CDHR1: variants seen among roughly 807,000 people sequenced by gnomAD.
The protein encoded by CDHR1 is cadherin related family member 1, also known as cadherin-related family member 1.
Under a neutral mutation model 72.1 loss-of-function variants are expected in CDHR1, and 61 were observed. The ratio of observed to expected loss-of-function variants is 0.85; its 90% CI spans 0.69 to 1.05. CDHR1 has a LOEUF of 1.05. Among genes scored for constraint, CDHR1 ranks in the 50% least tolerant of loss-of-function variants. CDHR1 has a pLI of 0.00. For synonymous variants in CDHR1, 470 were observed against 448.1 expected (o/e 1.05, Z -0.62); for missense variants, 1,186 against 1,115.7 (o/e 1.06, Z -0.90).
In CDHR1 at chr10:84,194,750, C is replaced by G; in HGVS notation, c.-11C>G. 1 of 1,499,520 alleles carries G rather than the reference C, an allele frequency of 6.7e-7. No individual in the cohort carries two copies. Among genetic ancestry groups the G allele is most frequent in the Non-Finnish European group, 8.8e-7 (1 of 1,133,002 alleles). The allele number at this position is 1,499,520 out of a possible 1,614,324, so 92.9% of individuals were successfully genotyped here. On this transcript the variant is annotated 5_prime_UTR_variant, in exon 1 of 17. Transcript: ENST00000623527. ...CGGCGGCGGCAGGCGACACTCCGCGCCGGCGGAGACATGAGGCGCTGCCGG... is the reference window on the plus strand; with the variant it reads ...CGGCGGCGGCAGGCGACACTCCGCGGCGGCGGAGACATGAGGCGCTGCCGG...
chr10:84,205,457 C>A (rs150520309), intron 9 of CDHR1, among the ~76,000 whole-genome samples: 96 of 151,916 alleles, frequency 6.3e-4, no homozygotes, highest in African/African-American at 2.2e-3. Context: ...TTCTTTCCCC[C>A]CTCCCCTTCC....
chr10:84,212,886 A>C, intron 15 of CDHR1: 1 of 639,336 alleles, frequency 1.6e-6, no homozygotes, highest in Non-Finnish European at 2.8e-6. Flanking sequence ...TGATAATGGA[A>C]TCGGCTAGCC....
chr10:84,219,567 T>G, downstream of CDHR1: 2 of 324,346 alleles, frequency 6.2e-6, no homozygotes, highest in Non-Finnish European at 1.1e-5. Flanking sequence ...ACTGTATTAG[T>G]TCGTTCTCAT....
chr10:84,218,485 T>C lies in CDHR1; in HGVS notation c.*3864T>C. 1 of 985,430 alleles carries C rather than the reference T, an allele frequency of 1.0e-6. No homozygotes were observed. The highest frequency in any genetic ancestry group is 1.2e-6 in the Non-Finnish European group (1 of 829,934). 61.0% of individuals were successfully genotyped at this position (985,430 alleles called of 1,614,324 possible). On this transcript the variant is annotated 3_prime_UTR_variant, in exon 17 of 17. Coordinates refer to ENST00000623527, the MANE Select transcript of CDHR1 (RefSeq NM_033100.4). ...CTGTGCCAGGCTCTCTTCTAGGTGTTAGGTGTATGTCTCTAACAAGATAGA... is the reference window on the plus strand; with the variant it reads ...CTGTGCCAGGCTCTCTTCTAGGTGTCAGGTGTATGTCTCTAACAAGATAGA...
At position 84,217,926 on chromosome 10, in the gene CDHR1, G is replaced by A; in HGVS notation, c.*3305G>A. On this transcript the variant is annotated 3_prime_UTR_variant, in exon 17 of 17. Transcript: ENST00000623527. ...TGTGGCACTCTGTCCTCAAGCAGCT[G>A]TCCCTCAGAATCCTGCTAGAAAAGT... 1.0e-6 allele frequency: 1 copy of A among 985,472 alleles called. No homozygotes were observed. The highest frequency in any genetic ancestry group is 1.2e-6 in the Non-Finnish European group (1 of 829,952). The allele number at this position is 985,472 out of a possible 1,614,324, so 61.0% of individuals were successfully genotyped here.
rs774936408 is a variant in CDHR1 at position 84,203,033 on chromosome 10, G to A, written c.693G>A (p.Thr231=). The A allele has an allele frequency of 2.5e-5, 40 of 1,614,088 alleles. No homozygotes were observed. Among genetic ancestry groups the A allele is most frequent in the Non-Finnish European group, 3.1e-5 (36 of 1,180,024 alleles). The change falls in exon 8 of 17, where the codon ACG becomes ACA. Residue 231 remains threonine (T), a synonymous_variant. Transcript: ENST00000623527. ...ATGTGGTGTTCTCAGCCACCACCAC[G>A]GTCACGGTCAATGTGGAGGATGTTC... ...GADVVFSATT[T]VTVNVEDVQD...
In CDHR1 at chr10:84,194,619, C is replaced by G. The variant is rs1439023404; in HGVS notation, c.-142C>G. On this transcript the variant is annotated 5_prime_UTR_variant, in exon 1 of 17. Coordinates refer to ENST00000623527, the MANE Select transcript of CDHR1 (RefSeq NM_033100.4). ...AGCGCCCTCACGCCACCCGCCGCTC[C>G]CGCCCCGTGCCCCCTCCCGCCGCGG... 5.3e-6 allele frequency: 3 copies of G among 563,506 alleles called. No individual in the cohort carries two copies. Among genetic ancestry groups the G allele is most frequent in the Admixed American group, 4.4e-5 (1 of 22,842 alleles). 34.9% of individuals were successfully genotyped at this position (563,506 alleles called of 1,614,324 possible).
Position 84,212,340 on chromosome 10 carries a change from A to AC in CDHR1, c.1721dup (p.Gln575SerfsTer20). 2.5e-6 allele frequency: 4 copies of AC among 1,613,828 alleles called. No homozygotes were observed. The highest frequency in any genetic ancestry group is 1.3e-5 in the African/African-American group (1 of 74,906). ...ATCACACTGCTGGATGTCAATGACC[A>AC]CCCCCCTCAGTTTGGAAAGAGCGTT... On this transcript the variant is annotated frameshift_variant, in exon 15 of 17. Coordinates refer to ENST00000623527, the MANE Select transcript of CDHR1 (RefSeq NM_033100.4). LOFTEE classifies it high-confidence loss of function.
Position 84,211,603 on chromosome 10 carries a change from C to A in CDHR1, c.1486-45C>A, listed in dbSNP as rs528682023. On this transcript the variant is annotated intron_variant, in intron 13 of 16. Transcript: ENST00000623527. ...TCAGGGCATGGGAGCTGCCAACATA[C>A]CCTGACAAAGAGGCACGTGCCACCC... The A allele has an allele frequency of 3.9e-6, 6 of 1,556,666 alleles. No homozygotes were observed. In the African/African-American group the frequency reaches 6.8e-5, roughly 18 times the overall value.
In CDHR1 at chr10:84,196,490, T is replaced by A. The variant is rs751408822; in HGVS notation, c.152-15T>A. 1 of 1,614,146 alleles carries A rather than the reference T, an allele frequency of 6.2e-7. No individual in the cohort carries two copies. The highest frequency in any genetic ancestry group is 8.5e-7 in the Non-Finnish European group (1 of 1,179,990). On this transcript the variant is annotated splice_polypyrimidine_tract_variant and intron_variant, in intron 2 of 16. Coordinates refer to ENST00000623527, the MANE Select transcript of CDHR1 (RefSeq NM_033100.4). Reference sequence around the variant, plus strand: ...GGTCTCAGATTCTATGTCTCTCCACTGTGTTTCCTTCCAGGCTCTCACGTA... The same window carrying A: ...GGTCTCAGATTCTATGTCTCTCCACAGTGTTTCCTTCCAGGCTCTCACGTA...
At chr10:84,206,057 A>C (rs1471430427) in intron 10 of CDHR1, 130 bp downstream of exon 10, 3 of 726,882 alleles carry the variant, frequency 4.1e-6, no homozygotes, top group Non-Finnish European at 2.4e-6. Context: ...TCTAAAGAGC[A>C]CCTGCACCAG....
At chr10:84,204,651 G>A in intron 9 of CDHR1, 46 bp downstream of exon 9, 2 of 1,338,634 alleles carry the variant, frequency 1.5e-6, no homozygotes, top group Non-Finnish European at 2.2e-6. Context: ...CTCTCTAGGT[G>A]ACCAGAGCAA....
Position 84,208,772 on chromosome 10 carries a change from G to A in CDHR1, c.1211G>A (p.Gly404Asp), listed in dbSNP as rs752039450. Residue 404 changes from glycine to aspartate, a missense_variant, in exon 12 of 17, where the codon GGC becomes GAC. Coordinates refer to ENST00000623527, the MANE Select transcript of CDHR1 (RefSeq NM_033100.4). ...AACTTGCAGCTGGTGGGACCCAGGG[G>A]CATCTTCCGAGTGGTTCCACAGACA... ...KFNLQLVGPR[G>D]IFRVVPQTVL... The A allele has an allele frequency of 1.4e-5, 23 of 1,614,178 alleles. No individual in the cohort carries two copies. In the Admixed American group the frequency reaches 3.7e-4, roughly 26 times the overall value.
At chr10:84,200,732 G>A in intron 6 of CDHR1, 45 bp downstream of exon 6, 1 of 1,437,528 alleles carries the variant, frequency 7.0e-7, no homozygotes, top group Non-Finnish European at 9.7e-7. Context: ...GGGCCGGAGG[G>A]GACACCTAGA....
chr10:84,201,295 C>T (rs775794063), intron 6 of CDHR1, among the ~76,000 whole-genome samples: 9 of 152,146 alleles, frequency 5.9e-5, no homozygotes, highest in Non-Finnish European at 1.2e-4. Context: ...CCAGAAGGGC[C>T]CCCAGGGACC....
chr10:84,198,988 A>G (rs1250237618), intron 4 of CDHR1, 44 bp from the exon 5 acceptor site: 2 of 1,432,044 alleles, frequency 1.4e-6, no homozygotes, highest in Admixed American at 2.0e-5. Flanking sequence ...CATCCTTCAG[A>G]AGGTCTCATT....
Position 84,217,930 on chromosome 10 carries a change from C to T in CDHR1, c.*3309C>T. ...GCACTCTGTCCTCAAGCAGCTGTCC[C>T]TCAGAATCCTGCTAGAAAAGTGTGA... On this transcript the variant is annotated 3_prime_UTR_variant, in exon 17 of 17. Coordinates refer to ENST00000623527, the MANE Select transcript of CDHR1 (RefSeq NM_033100.4). The T allele has an allele frequency of 1.0e-6, 1 of 985,436 alleles. No homozygotes were observed. The highest frequency in any genetic ancestry group is 1.2e-6 in the Non-Finnish European group (1 of 829,946). 61.0% of individuals were successfully genotyped at this position (985,436 alleles called of 1,614,324 possible). A position where few individuals can be genotyped will look rare whatever the true frequency, so the allele number is the denominator to read the frequency against.
chr10:84,214,423 C>T lies in CDHR1; in HGVS notation c.2382C>T (p.Leu794=). 3 of 1,613,502 alleles carry T rather than the reference C, an allele frequency of 1.9e-6. No individual in the cohort carries two copies. The highest frequency in any genetic ancestry group is 1.3e-5 in the African/African-American group (1 of 75,054). Residue 794 remains leucine (L), a synonymous_variant, in exon 17 of 17, where the codon CTC becomes CTT. Coordinates refer to ENST00000623527, the MANE Select transcript of CDHR1 (RefSeq NM_033100.4). Reference sequence around the variant, plus strand: ...CTCTGCTCCCGAGAGCTCCGGCTCTCCCTCCACCACCCAGCGTGGCGCCCA... The same window carrying T: ...CTCTGCTCCCGAGAGCTCCGGCTCTTCCTCCACCACCCAGCGTGGCGCCCA... ...ESSLLPRAPA[L]PPPPSVAPST...
chr10:84,205,051 G>A (rs1264608016), intron 9 of CDHR1, among the ~76,000 whole-genome samples: 1 of 152,186 alleles, frequency 6.6e-6, no homozygotes, highest in African/African-American at 2.4e-5. Flanking sequence ...GAAAACTGAA[G>A]TTCAGAGAAG....
Sources: allele counts gnomAD v4.1 joint callset (sites outside exome capture counted in the v4.1 genomes callset), GRCh38; gene constraint gnomAD v4.1.1; transcripts MANE v1.5; gene names NCBI Gene and HGNC (gene_info 2026-07-23, HGNC 2026-07-21).